PLEKHH3: variants seen among roughly 807,000 people sequenced by gnomAD.
The protein encoded by PLEKHH3 is pleckstrin homology, MyTH4 and FERM domain containing H3, also known as pleckstrin homology domain-containing family H member 3.
Under a neutral mutation model 77.8 loss-of-function variants are expected in PLEKHH3, and 57 were observed. The observed-to-expected ratio is 0.73, with a 90% confidence interval of 0.59 to 0.91. The LOEUF (loss-of-function observed/expected upper bound fraction) is 0.91, where lower values mean the gene tolerates loss of function less well. Among genes scored for constraint, PLEKHH3 ranks in the 40% least tolerant of loss-of-function variants. The pLI is 0.00. For synonymous variants in PLEKHH3, 467 were observed against 504.8 expected, an observed-to-expected ratio of 0.93 and a Z score of 1.00; for missense variants, 1,082 against 1,091.2, an observed-to-expected ratio of 0.99 and a Z score of 0.12.
chr17:42,671,937 C>T lies in PLEKHH3; in HGVS notation c.1076+149G>A. 1.4e-6 allele frequency: 1 copy of T among 718,066 alleles called. No individual in the cohort carries two copies. The highest frequency in any genetic ancestry group is 2.2e-6 in the Non-Finnish European group (1 of 456,254). The allele number at this position is 718,066 out of a possible 1,614,324, so 44.5% of individuals were successfully genotyped here. ...CGTTTTATTGTAATTCATCCGCTCACAACTGCGATAGGATCTTGTATCTCC... is the reference window on the plus strand; with the variant it reads ...CGTTTTATTGTAATTCATCCGCTCATAACTGCGATAGGATCTTGTATCTCC... On this transcript the variant is annotated intron_variant, in intron 7 of 12. Coordinates refer to ENST00000591022, the MANE Select transcript of PLEKHH3 (RefSeq NM_024927.5). The surrounding 1 kb of genome is among the most constrained non-coding windows in gnomAD (Gnocchi z 4.7).
At position 42,672,306 on chromosome 17, in the gene PLEKHH3, A is replaced by G. The variant is rs2052720544; in HGVS notation, c.856T>C (p.Leu286=). 2 of 1,549,464 alleles carry G rather than the reference A, an allele frequency of 1.3e-6. No individual in the cohort carries two copies. Among genetic ancestry groups the G allele is most frequent in the East Asian group, 2.4e-5 (1 of 40,922 alleles). The change falls in exon 7 of 13, where the codon TTG becomes CTG. Residue 286 remains leucine (L), a synonymous_variant. Transcript: ENST00000591022. ...CAGGTTTGGAGCACACCCTGCATCAAGGGCCCGGGGCGCCGCGCCCCCTCC... is the reference window on the plus strand; with the variant it reads ...CAGGTTTGGAGCACACCCTGCATCAGGGGCCCGGGGCGCCGCGCCCCCTCC... ...ALEGARRPGP[L]MQGVLQTCRD... is the part of the protein sequence containing the mutation.
rs2052765148 is a variant in PLEKHH3 at position 42,673,988 on chromosome 17, T to G, written c.244A>C (p.Ser82Arg). 1 of 1,613,362 alleles carries G rather than the reference T, an allele frequency of 6.2e-7. No individual in the cohort carries two copies. The highest frequency in any genetic ancestry group is 2.2e-5 in the East Asian group (1 of 44,862). Reference sequence around the variant, plus strand: ...GGCAGCCCTTTCTCCGGGATGAGGCTCCAAGTCTCCTCCCAGCTCTGCAGC... The same window carrying G: ...GGCAGCCCTTTCTCCGGGATGAGGCGCCAAGTCTCCTCCCAGCTCTGCAGC... ...NRLQSWEETW[S>R]LIPEKGLPED... Residue 82 changes from serine (S) to arginine (R), a missense_variant, in exon 3 of 13, where the codon AGC becomes CGC. Around this residue, in one of 3 missense-constraint regions of PLEKHH3, gnomAD observed 344 missense variants for 320.8 expected, o/e 1.07. Transcript: ENST00000591022.
In PLEKHH3 at chr17:42,673,632, G is replaced by C; in HGVS notation, c.490+11C>G. ...GCCTAGGAAGGTAGGAGAGTCCCCA[G>C]GAGGTCTCACCTGTCTCCTTACGCC... On this transcript the variant is annotated intron_variant, in intron 4 of 12. Transcript: ENST00000591022. 1 of 1,601,746 alleles carries C rather than the reference G, an allele frequency of 6.2e-7. No homozygotes were observed. Among genetic ancestry groups the C allele is most frequent in the Non-Finnish European group, 8.5e-7 (1 of 1,178,962 alleles).
intron 7 of PLEKHH3, 47 bp downstream of exon 7, chr17:42,672,039 C>A: frequency 7.1e-7 from 1 of 1,409,814 alleles, no homozygotes; most frequent in Non-Finnish European, 9.4e-7. Flanking sequence ...CTCTCCCAGC[C>A]CGGTAGCTCC....
intron 12 of PLEKHH3, chr17:42,669,140 G>A (rs1429830456): frequency 1.0e-5 from 3 of 292,952 alleles, no homozygotes; most frequent in Admixed American, 5.2e-5. Flanking sequence ...CTGGAATGCT[G>A]TTCTCCCAGG....
rs1451744140 is a variant in PLEKHH3 at position 42,673,995 on chromosome 17, C to G, written c.237G>C (p.Glu79Asp). 3 of 1,613,270 alleles carry G rather than the reference C, an allele frequency of 1.9e-6. No individual in the cohort carries two copies. Among genetic ancestry groups the G allele is most frequent in the Non-Finnish European group, 1.7e-6 (2 of 1,179,876 alleles). The change falls in exon 3 of 13, where the codon GAG becomes GAC. Residue 79 changes from glutamate (E) to aspartate (D), a missense_variant. Coordinates refer to ENST00000591022, the MANE Select transcript of PLEKHH3 (RefSeq NM_024927.5). ...CTTTCTCCGGGATGAGGCTCCAAGTCTCCTCCCAGCTCTGCAGCCTGGGCC... is the reference window on the plus strand; with the variant it reads ...CTTTCTCCGGGATGAGGCTCCAAGTGTCCTCCCAGCTCTGCAGCCTGGGCC... ...PVSNRLQSWE[E>D]TWSLIPEKGL...
intron 11 of PLEKHH3, 46 bp downstream of exon 11, chr17:42,669,872 G>A (rs2052644643): frequency 3.7e-6 from 6 of 1,604,604 alleles, no homozygotes; most frequent in Non-Finnish European, 5.1e-6. Flanking sequence ...GGGCAAAGGT[G>A]TGGGGCTTGG....
At chr17:42,673,112 T>C in intron 6 of PLEKHH3, 64 bp downstream of exon 6, 1 of 1,454,664 alleles carries the variant, frequency 6.9e-7, no homozygotes, top group Non-Finnish European at 9.0e-7. Context: ...AGTTAAGGGA[T>C]TCAGATTCTT....
chr17:42,672,683 T>A (rs1391791090), intron 6 of PLEKHH3, among the ~76,000 whole-genome samples: 4 of 151,940 alleles, frequency 2.6e-5, no homozygotes, highest in Non-Finnish European at 5.9e-5. Flanking sequence ...ATTCTGTAAC[T>A]CCATACTGAG....
rs1428176844 is a variant in PLEKHH3, at chr17:42,674,422, G to A, written c.163-13C>T. The A allele has an allele frequency of 6.3e-7, 1 of 1,581,008 alleles. No homozygotes were observed. The highest frequency in any genetic ancestry group is 1.9e-5 in the Admixed American group (1 of 53,932). ...CTTCCAGGGGACCCTGGGGAGACAG[G>A]CGGGGAAGCCCTCAGGGTCAGAGCC... On this transcript the variant is annotated splice_polypyrimidine_tract_variant and intron_variant, in intron 1 of 12. Transcript: ENST00000591022.
At position 42,671,913 on chromosome 17, in the gene PLEKHH3, G is replaced by A. The variant is rs531710065; in HGVS notation, c.1076+173C>T. 2.6e-5 allele frequency among the ~76,000 whole-genome samples: 4 copies of A among 152,274 alleles called. No individual in the cohort carries two copies. The East Asian group carries it at 7.7e-4, about 29-fold the overall frequency. On this transcript the variant is annotated intron_variant, in intron 7 of 12. Transcript: ENST00000591022. The surrounding 1 kb of genome is among the most constrained non-coding windows in gnomAD (Gnocchi z 4.7). ...CATAACTCCTCAGCCCAAGGGGGGCGTTTTATTGTAATTCATCCGCTCACA... is the reference window on the plus strand; with the variant it reads ...CATAACTCCTCAGCCCAAGGGGGGCATTTTATTGTAATTCATCCGCTCACA...
At chr17:42,674,499 G>A (rs1185122631) in intron 1 of PLEKHH3, 90 bp from the exon 2 acceptor site, 3 of 1,120,566 alleles carry the variant, frequency 2.7e-6, no homozygotes, top group East Asian at 2.9e-5. Flanking sequence ...CTGCTCAGGG[G>A]ATTGAGGAAG....
chr17:42,676,773 A>AG lies in PLEKHH3; in HGVS notation c.-211dup. Reference sequence around the variant, plus strand: ...GGGGGCTCAGTGTCTGGGCCCCCGGAGGGGGGAGGGGGAAAAGCGTCCAGG... The same window carrying AG: ...GGGGGCTCAGTGTCTGGGCCCCCGGAGGGGGGGAGGGGGAAAAGCGTCCAGG... On this transcript the variant is annotated 5_prime_UTR_variant, in exon 1 of 13. Transcript: ENST00000591022. This position sits in a 1 kb window ranked among gnomAD's most constrained non-coding sequence, Gnocchi z 6.6. 1.7e-6 allele frequency: 1 copy of AG among 592,916 alleles called. No individual in the cohort carries two copies. The highest frequency in any genetic ancestry group is 3.0e-6 in the Non-Finnish European group (1 of 335,294). The allele number at this position is 592,916 out of a possible 1,614,324, so 36.7% of individuals were successfully genotyped here.
Position 42,670,127 on chromosome 17 carries a change from C to T in PLEKHH3, c.1804G>A (p.Glu602Lys). Reference protein sequence around the residue: ...WSPGLAKRRAERARRGGAGRT... With the variant: ...WSPGLAKRRAKRARRGGAGRT... ...CCGGCCCCGCCGCGCCGGGCCCGCTCCGCCCGCCTCTTGGCCAGGCCCGGG... is the reference window on the plus strand; with the variant it reads ...CCGGCCCCGCCGCGCCGGGCCCGCTTCGCCCGCCTCTTGGCCAGGCCCGGG... Residue 602 changes from glutamate (E) to lysine (K), a missense_variant, in exon 11 of 13, where the codon GAG becomes AAG. Glu to Lys is a moderately conservative substitution (Grantham distance 56, BLOSUM62 1). Coordinates refer to ENST00000591022, the MANE Select transcript of PLEKHH3 (RefSeq NM_024927.5). 1 of 1,268,162 alleles carries T rather than the reference C, an allele frequency of 7.9e-7. No homozygotes were observed. The highest frequency in any genetic ancestry group is 9.9e-7 in the Non-Finnish European group (1 of 1,012,382). 78.6% of individuals were successfully genotyped at this position (1,268,162 alleles called of 1,614,324 possible).
intron 1 of PLEKHH3, chr17:42,675,922 G>C (rs2052814620): frequency 9.9e-7 from 1 of 1,013,030 alleles, no homozygotes; most frequent in Admixed American, 5.6e-5. Context: ...TGGGGTCCCC[G>C]CCACAGACCC....
rs1006633614 is a variant in PLEKHH3 at position 42,673,775 on chromosome 17, C to G, written c.358G>C (p.Ala120Pro). Residue 120 changes from alanine to proline, a missense_variant, in exon 4 of 13, where the codon GCC (alanine) becomes CCC (proline). Coordinates refer to ENST00000591022, the MANE Select transcript of PLEKHH3 (RefSeq NM_024927.5). ...GAGTCCCGCGTGAGCACAAACCAGG[C>G]TCGGCGCGGGGGCAGCCAGGGCCGC... ...GARPWLPPRR[A>P]WFVLTRDSLD... 1.9e-6 allele frequency: 3 copies of G among 1,594,732 alleles called. No individual in the cohort carries two copies. The highest frequency in any genetic ancestry group is 1.3e-5 in the African/African-American group (1 of 74,638).
At position 42,669,619 on chromosome 17, in the gene PLEKHH3, C is replaced by G. The variant is rs772794464; in HGVS notation, c.2016G>C (p.Glu672Asp). The change falls in exon 12 of 13, where the codon GAG becomes GAC. Residue 672 changes from glutamate to aspartate, a missense_variant and splice_region_variant. Physicochemically the swap from Glu to Asp is conservative, Grantham distance 45. Coordinates refer to ENST00000591022, the MANE Select transcript of PLEKHH3 (RefSeq NM_024927.5). Reference sequence around the variant, plus strand: ...GCTTCTGTGGAGCACCCCGACCAGGCTCCTGCAGACAGAGAGGCAGAGTCA... The same window carrying G: ...GCTTCTGTGGAGCACCCCGACCAGGGTCCTGCAGACAGAGAGGCAGAGTCA... ...ARYDVLELSTEPGRGAPQKLC... is the reference protein window; with the variant it reads ...ARYDVLELSTDPGRGAPQKLC... 6.3e-7 allele frequency: 1 copy of G among 1,599,634 alleles called. No homozygotes were observed. The highest frequency in any genetic ancestry group is 1.7e-5 in the Admixed American group (1 of 59,278).
intron 5 of PLEKHH3, 29 bp from the exon 6 acceptor site, chr17:42,673,325 A>C (rs751294505): frequency 6.2e-7 from 1 of 1,603,252 alleles, no homozygotes; most frequent in East Asian, 2.2e-5. Flanking sequence ...GGTCACCTTG[A>C]TGGGGAAGGG....
chr17:42,669,893 T>G, intron 11 of PLEKHH3, 25 bp downstream of exon 11: 3 of 1,611,820 alleles, frequency 1.9e-6, no homozygotes, highest in Non-Finnish European at 2.5e-6. Context: ...GCCGCCAGAG[T>G]CCCCTTCTCC....
Sources: gnomAD v4.1 joint callset for allele counts (sites outside exome capture counted in the v4.1 genomes callset) on GRCh38, gnomAD v4.1.1 for gene constraint, gnomAD v4.1.1 regional missense constraint, Gnocchi (gnomAD v3.1) non-coding constraint, MANE v1.5 for transcripts, NCBI Gene and HGNC (gene_info 2026-07-23, HGNC 2026-07-21) for gene names.